The following OPCML variants were observed in gnomAD, a reference collection of about 807,000 sequenced individuals.
OPCML encodes opioid binding protein/cell adhesion molecule like, also known as opioid-binding protein/cell adhesion molecule.
Under a neutral mutation model 37.8 loss-of-function variants are expected in OPCML, and 13 were observed. That is an observed-to-expected ratio of 0.34 (90% CI 0.22 to 0.55). The LOEUF (loss-of-function observed/expected upper bound fraction) is 0.55, where lower values mean the gene tolerates loss of function less well. Among genes scored for constraint, OPCML ranks in the 20% least tolerant of loss-of-function variants. The pLI is 0.91. For synonymous variants in OPCML, 176 were observed against 168.8 expected (o/e 1.04, Z -0.33); for missense variants, 341 against 435.6 (o/e 0.78, Z 1.93).
chr11:132,499,652 C>T (rs770064149), intron 4 of OPCML, among the ~76,000 whole-genome samples: 16 of 152,300 alleles, frequency 1.1e-4, no homozygotes, highest in Middle Eastern at 3.4e-3. Flanking sequence ...CCTCTCTGAT[C>T]TTAGACAATT....
chr11:133,191,420 T>C (rs995864994), intron 1 of OPCML, among the ~76,000 whole-genome samples: 4 of 152,300 alleles, frequency 2.6e-5, no homozygotes, highest in Admixed American at 2.0e-4. Context: ...TTCAACACAT[T>C]ATAAATCATT....
At chr11:132,659,458 A>C (rs767724488) in intron 2 of OPCML, among the ~76,000 whole-genome samples, 1 of 152,230 alleles carries the variant, frequency 6.6e-6, no homozygotes, top group Non-Finnish European at 1.5e-5. Flanking sequence ...ACCTGGAATT[A>C]GATGCTAAAT....
intron 3 of OPCML, among the ~76,000 whole-genome samples, chr11:132,538,843 A>G (rs1162415247): frequency 6.6e-6 from 1 of 152,112 alleles, no homozygotes; most frequent in African/African-American, 2.4e-5. Flanking sequence ...ATGTTAATTC[A>G]TGATTCCACA....
chr11:133,122,035 C>T (rs1423932456), intron 1 of OPCML, among the ~76,000 whole-genome samples: 2 of 152,068 alleles, frequency 1.3e-5, no homozygotes, highest in Non-Finnish European at 2.9e-5. Context: ...TATTGAAAAC[C>T]CATATTTTCA....
intron 1 of OPCML, among the ~76,000 whole-genome samples, chr11:133,310,735 A>G (rs1943049846): frequency 6.6e-6 from 1 of 152,104 alleles, no homozygotes; most frequent in Non-Finnish European, 1.5e-5. Flanking sequence ...ACCCACCTTA[A>G]GTGAGAATCC....
At chr11:132,936,757 T>C (rs576540326) in intron 2 of OPCML, among the ~76,000 whole-genome samples, 19 of 152,186 alleles carry the variant, frequency 1.2e-4, no homozygotes, top group African/African-American at 4.6e-4. Flanking sequence ...ATCAAGTAGG[T>C]AGTGTCATTT....
At chr11:133,410,944 G>A (rs1945638828) in intron 1 of OPCML, among the ~76,000 whole-genome samples, 1 of 152,052 alleles carries the variant, frequency 6.6e-6, no homozygotes, top group Non-Finnish European at 1.5e-5. Flanking sequence ...TGAAAAATCA[G>A]GCATGGTGCC....
At chr11:133,125,564 A>G (rs1949487450) in intron 1 of OPCML, among the ~76,000 whole-genome samples, 1 of 148,818 alleles carries the variant, frequency 6.7e-6, no homozygotes, top group Non-Finnish European at 1.5e-5. Flanking sequence ...ATATATATAT[A>G]TATAAAAAAT....
chr11:133,199,728 C>A (rs1041254460), intron 1 of OPCML, among the ~76,000 whole-genome samples: 2 of 152,196 alleles, frequency 1.3e-5, no homozygotes, highest in Admixed American at 6.5e-5. Context: ...GGCCTCTAAT[C>A]CTTAATTAAT....
intron 2 of OPCML, among the ~76,000 whole-genome samples, chr11:132,899,958 G>A (rs928413566): frequency 6.6e-6 from 1 of 152,066 alleles, no homozygotes; most frequent in Non-Finnish European, 1.5e-5. Flanking sequence ...CTGGAACTTG[G>A]ACTGAGCAAC....
At chr11:132,556,119 A>T (rs888367283) in intron 3 of OPCML, among the ~76,000 whole-genome samples, 3 of 151,816 alleles carry the variant, frequency 2.0e-5, no homozygotes, top group Non-Finnish European at 2.9e-5. Flanking sequence ...AGAAAAAAAA[A>T]TTTTGTAGAG....
intron 2 of OPCML, among the ~76,000 whole-genome samples, chr11:132,875,471 T>TC (rs36083796): frequency 0.038 from 5,835 of 151,798 alleles, 160 homozygotes; most frequent in Non-Finnish European, 0.057. Flanking sequence ...CTAATTTTTT[T>TC]TTTTTTTTTT....
chr11:132,895,579 G>A (rs571546775), intron 2 of OPCML, among the ~76,000 whole-genome samples: 2 of 152,352 alleles, frequency 1.3e-5, no homozygotes, highest in African/African-American at 4.8e-5. Flanking sequence ...AATGGGATCT[G>A]TAAGTTGAGA....
At chr11:133,104,553 TG>T (rs1949130085) in intron 1 of OPCML, among the ~76,000 whole-genome samples, 1 of 152,262 alleles carries the variant, frequency 6.6e-6, no homozygotes, top group African/African-American at 2.4e-5. Context: ...GTATACATCC[TG>T]GATGCATATG....
intron 1 of OPCML, among the ~76,000 whole-genome samples, chr11:133,196,286 G>T (rs1349580203): frequency 1.3e-5 from 2 of 152,164 alleles, no homozygotes; most frequent in East Asian, 3.9e-4. Flanking sequence ...CAAACACGTT[G>T]GTGATTTTAA....
chr11:133,141,344 T>A (rs1489010963), intron 1 of OPCML, among the ~76,000 whole-genome samples: 1 of 152,058 alleles, frequency 6.6e-6, no homozygotes, highest in African/African-American at 2.4e-5. Context: ...TTGCTCTCCC[T>A]CTCCCTTTGG....
At position 132,416,544 on chromosome 11, in the gene OPCML, C is replaced by A. The variant is rs1331990896; in HGVS notation, c.*3649G>T. ...GACTGAATTGATGCAGAAAAAGATT[C>A]TGAAACCCAGCCTCAGTTTTGAAGT... On this transcript the variant is annotated 3_prime_UTR_variant, in exon 8 of 8. Coordinates refer to ENST00000524381, the MANE Select transcript of OPCML (RefSeq NM_001012393.5). 1.3e-5 allele frequency: 2 copies of A among 152,210 alleles called. No homozygotes were observed. Among genetic ancestry groups the A allele is most frequent in the Non-Finnish European group, 2.9e-5 (2 of 68,044 alleles). The allele number at this position is 152,210 out of a possible 1,614,324, so 9.4% of individuals were successfully genotyped here. A position where few individuals can be genotyped will look rare whatever the true frequency, so the allele number is the denominator to read the frequency against.
At chr11:132,638,752 C>T (rs1940675736) in intron 3 of OPCML, among the ~76,000 whole-genome samples, 1 of 152,134 alleles carries the variant, frequency 6.6e-6, no homozygotes, top group Non-Finnish European at 1.5e-5. Flanking sequence ...TTTCCATACC[C>T]CTATGATTTC....
At chr11:133,465,172 T>G (rs1946947702) in intron 1 of OPCML, among the ~76,000 whole-genome samples, 1 of 152,268 alleles carries the variant, frequency 6.6e-6, no homozygotes, top group Admixed American at 6.5e-5. Context: ...TTTTCTTGCC[T>G]CTTCTGACTT....
Sources: allele counts gnomAD v4.1 joint callset (sites outside exome capture counted in the v4.1 genomes callset), GRCh38; gene constraint gnomAD v4.1.1; transcripts MANE v1.5; gene names NCBI Gene and HGNC (gene_info 2026-07-23, HGNC 2026-07-21).